Variants in ADCY10 observed in about 807,000 individuals in gnomAD.
The protein encoded by ADCY10 is adenylate cyclase type 10.
Under a neutral mutation model 183.3 loss-of-function variants are expected in ADCY10, and 156 were observed. The observed-to-expected ratio is 0.85, with a 90% confidence interval of 0.75 to 0.97. ADCY10 has a LOEUF of 0.97. ADCY10 is among the 50% of genes least tolerant of loss of function. ADCY10 has a pLI of 0.00. For missense variants in ADCY10, 1,745 were observed against 1,934.3 expected, an observed-to-expected ratio of 0.90 and a Z score of 1.84; for synonymous variants, 645 against 670.0, an observed-to-expected ratio of 0.96 and a Z score of 0.58.
intron 5 of ADCY10, 128 bp downstream of exon 5, chr1:167,901,534 G>T: frequency 1.0e-6 from 1 of 970,510 alleles, no homozygotes; most frequent in Non-Finnish European, 1.7e-6. Context: ...TTGTCCTGAT[G>T]CCAAAGTTCA....
chr1:167,841,233 C>A (rs903864115), intron 21 of ADCY10, among the ~76,000 whole-genome samples: 3 of 152,054 alleles, frequency 2.0e-5, no homozygotes, highest in Admixed American at 6.6e-5. Flanking sequence ...AGCCACTGTG[C>A]CTGGCAAGAA....
intron 31 of ADCY10, among the ~76,000 whole-genome samples, chr1:167,815,011 G>A (rs752436001): frequency 6.6e-6 from 1 of 152,078 alleles, no homozygotes; most frequent in Non-Finnish European, 1.5e-5. Context: ...TGTAATCCCA[G>A]CTACTCGGGA....
chr1:167,868,917 G>GA (rs1444316085), intron 14 of ADCY10, among the ~76,000 whole-genome samples: 2 of 152,112 alleles, frequency 1.3e-5, no homozygotes, highest in African/African-American at 4.8e-5. Flanking sequence ...GTCAAGCCTT[G>GA]ACTATTCTGG....
chr1:167,913,039 GTTTAA>G (rs1183409542), intron 1 of ADCY10, among the ~76,000 whole-genome samples: 3 of 152,164 alleles, frequency 2.0e-5, no homozygotes, highest in Non-Finnish European at 4.4e-5. Context: ...AAAGATGTAG[GTTTAA>G]TTTAAGAGCA....
intron 30 of ADCY10, chr1:167,820,084 G>C (rs1385695014): frequency 3.8e-6 from 6 of 1,567,270 alleles, no homozygotes; most frequent in Non-Finnish European, 5.2e-6. Flanking sequence ...GATAAAATTT[G>C]GCTATGGTTG....
chr1:167,845,284 T>C (rs1664922389), intron 21 of ADCY10, among the ~76,000 whole-genome samples: 1 of 152,220 alleles, frequency 6.6e-6, no homozygotes, highest in East Asian at 1.9e-4. Flanking sequence ...TTAAGTGGGA[T>C]ATTTTAGTTT....
At position 167,846,091 on chromosome 1, in the gene ADCY10, A is replaced by G; in HGVS notation, c.2610T>C (p.Phe870=). 3.7e-6 allele frequency: 6 copies of G among 1,614,166 alleles called. No homozygotes were observed. Among genetic ancestry groups the G allele is most frequent in the Non-Finnish European group, 5.1e-6 (6 of 1,180,034 alleles). ...GCTCCTTGCCATTCCGGAAACAATAAAAAATGTTAGATTCCACTAGGGTTG... is the reference window on the plus strand; with the variant it reads ...GCTCCTTGCCATTCCGGAAACAATAGAAAATGTTAGATTCCACTAGGGTTG... ...TLATLVESNI[F]YCFRNGKELQ... is the part of the protein sequence containing the mutation. Residue 870 remains phenylalanine, a synonymous_variant, in exon 20 of 33, where the codon TTT becomes TTC. Transcript: ENST00000367851.
In ADCY10 at chr1:167,901,825, G is replaced by A. The variant is rs760380167; in HGVS notation, c.293-20C>T. 41 of 1,613,962 alleles carry A rather than the reference G, an allele frequency of 2.5e-5. No individual in the cohort carries two copies. Among genetic ancestry groups the A allele is most frequent in the Admixed American group, 1.0e-4 (6 of 59,992 alleles). On this transcript the variant is annotated intron_variant, in intron 4 of 32. Coordinates refer to ENST00000367851, the MANE Select transcript of ADCY10 (RefSeq NM_018417.6). ...CATCACCTTCAGAGAGAGACATGCC[G>A]CGGGCTTTTGACCTGCCCTGGGGAT...
intron 31 of ADCY10, among the ~76,000 whole-genome samples, chr1:167,812,904 TAAAC>T (rs917062938): frequency 2.6e-5 from 4 of 152,030 alleles, no homozygotes; most frequent in Non-Finnish European, 5.9e-5. Context: ...AAGGCAGAAT[TAAAC>T]AGGGAGCAGA....
At chr1:167,898,406 C>G (rs1183559176) in intron 6 of ADCY10, among the ~76,000 whole-genome samples, 2 of 151,850 alleles carry the variant, frequency 1.3e-5, no homozygotes, top group African/African-American at 2.4e-5. Flanking sequence ...CAAGACCAGC[C>G]TGGCCAAGAT....
chr1:167,822,193 T>C (rs573793392), intron 29 of ADCY10, 52 bp from the exon 30 acceptor site: 3 of 1,166,152 alleles, frequency 2.6e-6, no homozygotes, highest in Admixed American at 1.7e-5. Flanking sequence ...GGTGATCATC[T>C]TTCTAGCCTA....
intron 8 of ADCY10, among the ~76,000 whole-genome samples, chr1:167,890,957 A>AG (rs1487760520): frequency 6.6e-6 from 1 of 152,028 alleles, no homozygotes; most frequent in Non-Finnish European, 1.5e-5. Flanking sequence ...TTATTTATTT[A>AG]TTTAGTTAGT....
At chr1:167,846,297 T>G (rs1665024279) in intron 19 of ADCY10, 34 bp from the exon 20 acceptor site, 2 of 1,611,326 alleles carry the variant, frequency 1.2e-6, no homozygotes, top group East Asian at 4.5e-5. Flanking sequence ...AGAAAACTAG[T>G]TATTTATCTT....
At position 167,824,850 on chromosome 1, in the gene ADCY10, A is replaced by G. The variant is rs1663165575; in HGVS notation, c.3756T>C (p.Ile1252=). The change falls in exon 27 of 33, where the codon ATT becomes ATC. Residue 1252 remains isoleucine, a synonymous_variant. Coordinates refer to ENST00000367851, the MANE Select transcript of ADCY10 (RefSeq NM_018417.6). ...ALETQNCFQI[I]KAYLDYSLYH... ...ATAGCGAATAGTCTAGGTAAGCCTT[A>G]ATGATCTGAAATGGCAGAGTGGAGG... 1 of 1,614,194 alleles carries G rather than the reference A, an allele frequency of 6.2e-7. No homozygotes were observed. The highest frequency in any genetic ancestry group is 8.5e-7 in the Non-Finnish European group (1 of 1,180,026).
Position 167,823,000 on chromosome 1 carries a change from A to G in ADCY10, c.4168+8T>C. The G allele has an allele frequency of 1.9e-6, 3 of 1,612,728 alleles. No homozygotes were observed. The highest frequency in any genetic ancestry group is 2.5e-6 in the Non-Finnish European group (3 of 1,178,864). ...CCAAGTTCTTTTACATCCCAAACCC[A>G]CACTTACCAGAATAAAGCAGGATGT... On this transcript the variant is annotated splice_region_variant and intron_variant, in intron 29 of 32. Transcript: ENST00000367851.
chr1:167,872,605 A>T lies in ADCY10; in HGVS notation c.1463-2195T>A, dbSNP rs116089686. Among the ~76,000 whole-genome samples, 358 of 151,882 alleles carry T rather than the reference A, an allele frequency of 2.4e-3. 1 individual carries two copies. Among genetic ancestry groups the T allele is most frequent in the African/African-American group, 8.3e-3 (343 of 41,370 alleles). ...TTTATTTATTATAGTTTTGTTGTCA[A>T]CCATGCTGTTGCAATTTCATTTATA... On this transcript the variant is annotated intron_variant, in intron 13 of 32. Coordinates refer to ENST00000367851, the MANE Select transcript of ADCY10 (RefSeq NM_018417.6).
intron 25 of ADCY10, among the ~76,000 whole-genome samples, chr1:167,830,737 T>C (rs1223112456): frequency 6.6e-6 from 1 of 152,174 alleles, no homozygotes; most frequent in African/African-American, 2.4e-5. Flanking sequence ...AAGGAAAATA[T>C]CTTGGGCCCC....
At chr1:167,847,850 T>C (rs1028603502) in intron 19 of ADCY10, among the ~76,000 whole-genome samples, 3 of 152,236 alleles carry the variant, frequency 2.0e-5, no homozygotes, top group African/African-American at 7.2e-5. Context: ...GTACAATATT[T>C]CATTCTTTTA....
At chr1:167,840,367 A>ATTTTTTTTTT (rs546653110) in intron 21 of ADCY10, among the ~76,000 whole-genome samples, 11 of 147,508 alleles carry the variant, frequency 7.5e-5, no homozygotes, top group African/African-American at 2.3e-4. Flanking sequence ...TATTATTACT[A>ATTTTTTTTTT]TTTTTTTTGG....
Sources: gnomAD v4.1 joint callset for allele counts (sites outside exome capture counted in the v4.1 genomes callset) on GRCh38, gnomAD v4.1.1 for gene constraint, MANE v1.5 for transcripts, NCBI Gene and HGNC (gene_info 2026-07-23, HGNC 2026-07-21) for gene names.